Variants in COPRS observed in about 807,000 individuals in gnomAD.
The protein encoded by COPRS is cooperator of PRMT5.
Under a neutral mutation model 19.9 loss-of-function variants are expected in COPRS, and 11 were observed. The observed-to-expected ratio is 0.55, with a 90% CI of 0.35 to 0.92. The LOEUF is 0.92. COPRS is among the 40% of genes least tolerant of loss of function. The probability of loss-of-function intolerance (pLI) is 0.01; values close to 1 mark genes in which losing one functional copy is unlikely to be tolerated. For synonymous variants in COPRS, 81 were observed against 82.7 expected (o/e 0.98, Z 0.11); for missense variants, 225 against 229.9 (o/e 0.98, Z 0.14).
Position 31,859,188 on chromosome 17 carries a change from C to A in COPRS, c.12G>T (p.Gln4His). 9.4e-7 allele frequency: 1 copy of A among 1,058,204 alleles called. No homozygotes were observed. The highest frequency in any genetic ancestry group is 1.1e-6 in the Non-Finnish European group (1 of 877,274). 65.6% of individuals were successfully genotyped at this position (1,058,204 alleles called of 1,614,324 possible). A position where few individuals can be genotyped will look rare whatever the true frequency, so the allele number is the denominator to read the frequency against. MDLQAAGAQAQGAA... is the reference protein window; with the variant it reads MDLHAAGAQAQGAA... ...CCCCCTGCGCCTGGGCCCCGGCGGC[C>A]TGAAGGTCCATGCCCTGCGGCCCGC... Residue 4 changes from glutamine (Q) to histidine (H), a missense_variant, in exon 1 of 4, where the codon CAG (glutamine) becomes CAT (histidine). Gln to His is a conservative substitution (Grantham distance 24). This residue lies in a region of COPRS where 51 missense variants were observed against 39.2 expected (regional missense o/e 1.30). Transcript: ENST00000302362.
At chr17:31,853,632 G>A (rs553386684) in intron 2 of COPRS, among the ~76,000 whole-genome samples, 78 of 152,116 alleles carry the variant, frequency 5.1e-4, no homozygotes, top group African/African-American at 1.8e-3. Context: ...CACCCGCCTC[G>A]GCCTCCCAAA....
chr17:31,853,166 T>C, intron 2 of COPRS, 136 bp from the exon 3 acceptor site: 1 of 692,292 alleles, frequency 1.4e-6, no homozygotes. Flanking sequence ...CGAGCACTTT[T>C]TTAAAAATGC....
At chr17:31,853,341 T>C (rs1196071619) in intron 2 of COPRS, among the ~76,000 whole-genome samples, 1 of 152,010 alleles carries the variant, frequency 6.6e-6, no homozygotes, top group African/African-American at 2.4e-5. Context: ...CTCTGATAAA[T>C]AATACACTTT....
chr17:31,855,108 G>C (rs1259985255), intron 2 of COPRS, among the ~76,000 whole-genome samples: 10 of 152,182 alleles, frequency 6.6e-5, no homozygotes, highest in Non-Finnish European at 1.2e-4. Flanking sequence ...AGGCACGGTG[G>C]CTCATGCCTG....
chr17:31,856,152 T>G (rs187101804), intron 2 of COPRS, among the ~76,000 whole-genome samples: 1 of 152,012 alleles, frequency 6.6e-6, no homozygotes, highest in African/African-American at 2.4e-5. Flanking sequence ...CTGGCCAACA[T>G]AGTAAAACCC....
At chr17:31,858,744 C>T in intron 1 of COPRS, 1 of 1,550,186 alleles carries the variant, frequency 6.5e-7, no homozygotes, top group Non-Finnish European at 8.7e-7. Flanking sequence ...AGTCCCTCTC[C>T]TCGCCGCCCT....
At chr17:31,852,682 T>C (rs577134442) in intron 3 of COPRS, 130 bp downstream of exon 3, 1 of 743,822 alleles carries the variant, frequency 1.3e-6, no homozygotes, top group Non-Finnish European at 2.4e-6. Context: ...GTCACAGAAA[T>C]TGGAGACCTG....
In COPRS at chr17:31,851,968, G is replaced by C; in HGVS notation, c.*171C>G. On this transcript the variant is annotated 3_prime_UTR_variant, in exon 4 of 4. Transcript: ENST00000302362. Reference sequence around the variant, plus strand: ...AGCCCATTAAGAACAACAACAGACTGGCGAGAATGACGGGGCCTTATTGAA... The same window carrying C: ...AGCCCATTAAGAACAACAACAGACTCGCGAGAATGACGGGGCCTTATTGAA... 1.6e-6 allele frequency: 1 copy of C among 641,776 alleles called. No homozygotes were observed. 39.8% of individuals were successfully genotyped at this position (641,776 alleles called of 1,614,324 possible).
intron 2 of COPRS, among the ~76,000 whole-genome samples, chr17:31,853,380 CTCT>C (rs1475885331): frequency 6.6e-6 from 1 of 150,488 alleles, no homozygotes; most frequent in Non-Finnish European, 1.5e-5. Context: ...TAAGTTTTTG[CTCT>C]TTTTTTTTTT....
chr17:31,852,719 A>C (rs960774614), intron 3 of COPRS, 93 bp downstream of exon 3: 1 of 863,674 alleles, frequency 1.2e-6, no homozygotes, highest in Non-Finnish European at 2.0e-6. Flanking sequence ...AAGCTCATAG[A>C]TGTGGACCCC....
Position 31,853,012 on chromosome 17 carries a change from A to G in COPRS, c.185T>C (p.Ile62Thr). 1.9e-6 allele frequency: 3 copies of G among 1,613,922 alleles called. No homozygotes were observed. Among genetic ancestry groups the G allele is most frequent in the Non-Finnish European group, 2.5e-6 (3 of 1,179,788 alleles). Residue 62 changes from isoleucine to threonine, a missense_variant, in exon 3 of 4, where the codon ATT becomes ACT. Physicochemically the swap from Ile to Thr is moderately conservative, Grantham distance 89 (BLOSUM62 -1). Around this residue, in one of 3 missense-constraint regions of COPRS, gnomAD observed 170 missense variants for 171.4 expected, o/e 0.99. Coordinates refer to ENST00000302362, the MANE Select transcript of COPRS (RefSeq NM_018405.4). ...MDRLARGTQS[I>T]PNDSPARGEG... Reference sequence around the variant, plus strand: ...ACCCCGGGCAGGACTGTCATTAGGAATGCTCTGTGTTCCACGGGCTAAATT... The same window carrying G: ...ACCCCGGGCAGGACTGTCATTAGGAGTGCTCTGTGTTCCACGGGCTAAATT...
chr17:31,858,248 T>C lies in COPRS; in HGVS notation c.99+853A>G, dbSNP rs1825504437. ...CTGCACTTTCTCATCTCCACGCCTC[T>C]GCAGACACCACCAGCCTCTCACCTT... On this transcript the variant is annotated intron_variant, in intron 1 of 3. Transcript: ENST00000302362. 5 of 439,938 alleles carry C rather than the reference T, an allele frequency of 1.1e-5. No homozygotes were observed. The South Asian group carries it at 4.8e-4, about 42-fold the overall frequency. 27.3% of individuals were successfully genotyped at this position (439,938 alleles called of 1,614,324 possible). A position where few individuals can be genotyped will look rare whatever the true frequency, so the allele number is the denominator to read the frequency against.
At chr17:31,857,093 T>G (rs1277182178) in intron 1 of COPRS, among the ~76,000 whole-genome samples, 1 of 152,140 alleles carries the variant, frequency 6.6e-6, no homozygotes, top group Non-Finnish European at 1.5e-5. Context: ...CACTTCACCG[T>G]GGCAGCAGGA....
chr17:31,852,776 G>A, intron 3 of COPRS, 36 bp downstream of exon 3: 3 of 1,468,882 alleles, frequency 2.0e-6, no homozygotes, highest in African/African-American at 2.8e-5. Context: ...TGTCTGAGAA[G>A]GCCTAGTTCA....
At chr17:31,853,913 T>G (rs762472607) in intron 2 of COPRS, among the ~76,000 whole-genome samples, 1 of 152,154 alleles carries the variant, frequency 6.6e-6, no homozygotes, top group Non-Finnish European at 1.5e-5. Flanking sequence ...CACATAGTGC[T>G]TTGGTGATGC....
chr17:31,855,087 A>G (rs936070999), intron 2 of COPRS, among the ~76,000 whole-genome samples: 1 of 152,204 alleles, frequency 6.6e-6, no homozygotes, highest in African/African-American at 2.4e-5. Context: ...GTTAAAAGAA[A>G]AAAAAAGGCC....
rs765511843 is a variant in COPRS at position 31,859,207 on chromosome 17, G to T, written c.-8C>A. On this transcript the variant is annotated 5_prime_UTR_variant, in exon 1 of 4. Transcript: ENST00000302362. The stretch of plus-strand genomic sequence containing the variant: ...GGCGGCCTGAAGGTCCATGCCCTGC[G>T]GCCCGCGGCTGGTCGCCCTGGACGC... The T allele has an allele frequency of 7.7e-6, 8 of 1,044,514 alleles. No homozygotes were observed. The highest frequency in any genetic ancestry group is 9.2e-6 in the Non-Finnish European group (8 of 866,138). 64.7% of individuals were successfully genotyped at this position (1,044,514 alleles called of 1,614,324 possible). A position where few individuals can be genotyped will look rare whatever the true frequency, so the allele number is the denominator to read the frequency against.
intron 2 of COPRS, among the ~76,000 whole-genome samples, chr17:31,854,941 G>A (rs1388619911): frequency 3.3e-5 from 5 of 152,184 alleles, no homozygotes; most frequent in Non-Finnish European, 7.3e-5. Flanking sequence ...AAAGGCTACT[G>A]AATTATATGC....
At chr17:31,858,931 T>C in intron 1 of COPRS, 170 bp downstream of exon 1, 1 of 1,452,680 alleles carries the variant, frequency 6.9e-7, no homozygotes, top group Non-Finnish European at 9.0e-7. Flanking sequence ...CCCCGCGGCC[T>C]GGCCGTTTTC....
Sources: gnomAD v4.1 joint callset for allele counts (sites outside exome capture counted in the v4.1 genomes callset) on GRCh38, gnomAD v4.1.1 for gene constraint, gnomAD v4.1.1 regional missense constraint, MANE v1.5 for transcripts, NCBI Gene and HGNC (gene_info 2026-07-23, HGNC 2026-07-21) for gene names.